The following CNTN5 variants were observed in gnomAD, a reference collection of about 807,000 sequenced individuals.
CNTN5 encodes contactin-5.
In CNTN5, 77 loss-of-function variants were observed where a neutral mutation model predicts 129.1. That is an observed-to-expected ratio of 0.60 (90% confidence interval 0.50 to 0.72). The LOEUF (loss-of-function observed/expected upper bound fraction) is 0.72. CNTN5 is among the 30% of genes least tolerant of loss of function. CNTN5 has a pLI of 0.00. For missense variants in CNTN5, 1,478 were observed against 1,328.8 expected (o/e 1.11, Z -1.75); for synonymous variants, 509 against 465.6 (o/e 1.09, Z -1.20).
At chr11:99,262,821 A>G (rs543337994) in intron 1 of CNTN5, among the ~76,000 whole-genome samples, 1 of 152,148 alleles carries the variant, frequency 6.6e-6, no homozygotes, top group African/African-American at 2.4e-5. Context: ...AGTTAGATAA[A>G]GGTAATGGTA....
At chr11:99,511,578 A>G (rs55674336) in intron 2 of CNTN5, among the ~76,000 whole-genome samples, 4,665 of 151,790 alleles carry the variant, frequency 0.031, 106 homozygotes, top group Non-Finnish European at 0.042. Context: ...GCAGAGCTGA[A>G]TTCAATTCCT....
chr11:99,961,670 T>C (rs1950950361), intron 8 of CNTN5, among the ~76,000 whole-genome samples: 1 of 152,232 alleles, frequency 6.6e-6, no homozygotes, highest in African/African-American at 2.4e-5. Context: ...TTTCCTTCTC[T>C]ATCGCTATAT....
At chr11:99,039,439 T>TATC (rs1486768798) in intron 1 of CNTN5, among the ~76,000 whole-genome samples, 1 of 152,146 alleles carries the variant, frequency 6.6e-6, no homozygotes, top group African/African-American at 2.4e-5. Context: ...TTATTTTTTC[T>TATC]ATCACTAGAC....
chr11:99,595,230 A>G (rs1314027131), intron 3 of CNTN5, among the ~76,000 whole-genome samples: 1 of 152,206 alleles, frequency 6.6e-6, no homozygotes, highest in African/African-American at 2.4e-5. Flanking sequence ...CTACAAAAAA[A>G]GGTAAACGTT....
chr11:99,452,454 A>G (rs2135197742), intron 2 of CNTN5, among the ~76,000 whole-genome samples: 1 of 146,216 alleles, frequency 6.8e-6, no homozygotes, highest in South Asian at 2.2e-4. Context: ...CTCATAGCAA[A>G]CTCTGCCTCC....
At chr11:99,899,128 G>T (rs1319664019) in intron 6 of CNTN5, among the ~76,000 whole-genome samples, 2 of 152,022 alleles carry the variant, frequency 1.3e-5, no homozygotes, top group Non-Finnish European at 2.9e-5. Flanking sequence ...TCTTCTAGAA[G>T]AGTCTTTAGG....
At chr11:99,148,881 A>G (rs1250230191) in intron 1 of CNTN5, among the ~76,000 whole-genome samples, 4 of 152,124 alleles carry the variant, frequency 2.6e-5, no homozygotes, top group African/African-American at 7.2e-5. Context: ...TTAATATAAA[A>G]TTATGTTTTT....
chr11:99,447,596 A>G (rs1944121890), intron 2 of CNTN5, among the ~76,000 whole-genome samples: 1 of 152,226 alleles, frequency 6.6e-6, no homozygotes, highest in South Asian at 2.1e-4. Context: ...GTTATTGTAC[A>G]TATTAAAGTA....
intron 3 of CNTN5, among the ~76,000 whole-genome samples, chr11:99,612,276 T>A (rs1406280535): frequency 6.6e-6 from 1 of 152,192 alleles, no homozygotes; most frequent in Admixed American, 6.6e-5. Context: ...TTGAGCAAGA[T>A]GCAGCAGAAA....
chr11:99,396,601 A>G (rs1941537868), intron 2 of CNTN5, among the ~76,000 whole-genome samples: 1 of 151,650 alleles, frequency 6.6e-6, no homozygotes, highest in South Asian at 2.1e-4. Context: ...ACTGATATAT[A>G]TGAAACCAAA....
intron 1 of CNTN5, among the ~76,000 whole-genome samples, chr11:99,242,740 G>A (rs1861623531): frequency 6.6e-6 from 1 of 152,066 alleles, no homozygotes; most frequent in Admixed American, 6.6e-5. Flanking sequence ...GAAGTACTTT[G>A]TTTTCTGTCC....
chr11:99,245,530 A>T (rs1861772366), intron 1 of CNTN5, among the ~76,000 whole-genome samples: 1 of 152,112 alleles, frequency 6.6e-6, no homozygotes, highest in Non-Finnish European at 1.5e-5. Context: ...CATGTTGGCC[A>T]GGCTGATCTT....
intron 2 of CNTN5, among the ~76,000 whole-genome samples, chr11:99,363,002 C>G (rs1009770238): frequency 6.6e-6 from 1 of 151,738 alleles, no homozygotes; most frequent in Non-Finnish European, 1.5e-5. Flanking sequence ...TATTCAAAGC[C>G]GCTTGAGATT....
chr11:99,221,701 A>G (rs1860404888), intron 1 of CNTN5, among the ~76,000 whole-genome samples: 1 of 151,998 alleles, frequency 6.6e-6, no homozygotes, highest in Non-Finnish European at 1.5e-5. Context: ...ATAATTACCT[A>G]TAATGATCTC....
intron 6 of CNTN5, among the ~76,000 whole-genome samples, chr11:99,908,715 A>G (rs777455602): frequency 5.9e-5 from 9 of 152,060 alleles, no homozygotes; most frequent in Non-Finnish European, 1.3e-4. Flanking sequence ...TTTGTAACAC[A>G]TGAAATACAG....
intron 3 of CNTN5, among the ~76,000 whole-genome samples, chr11:99,697,046 T>A (rs1218046736): frequency 6.6e-6 from 1 of 151,944 alleles, no homozygotes; most frequent in Non-Finnish European, 1.5e-5. Flanking sequence ...AGGCCAAAGC[T>A]GGGACAATTT....
intron 3 of CNTN5, among the ~76,000 whole-genome samples, chr11:99,751,731 G>T (rs898602828): frequency 1.3e-5 from 2 of 152,152 alleles, no homozygotes; most frequent in African/African-American, 4.8e-5. Context: ...GCCAAGTTCA[G>T]TTGTCATAGG....
intron 16 of CNTN5, among the ~76,000 whole-genome samples, chr11:100,239,309 T>C (rs2138675433): frequency 6.6e-6 from 1 of 152,258 alleles, no homozygotes; most frequent in Admixed American, 6.5e-5. Context: ...AATATATAAA[T>C]TATATTTCAT....
At chr11:99,659,592 T>A (rs1952521105) in intron 3 of CNTN5, among the ~76,000 whole-genome samples, 1 of 152,150 alleles carries the variant, frequency 6.6e-6, no homozygotes, top group Admixed American at 6.5e-5. Context: ...TGGAGTAGGC[T>A]GGCAGGCTAG....
Sources: allele counts gnomAD v4.1 joint callset (sites outside exome capture counted in the v4.1 genomes callset), GRCh38; gene constraint gnomAD v4.1.1; transcripts MANE v1.5; gene names NCBI Gene and HGNC (gene_info 2026-07-23, HGNC 2026-07-21).